BICC1: variants seen among roughly 807,000 people sequenced by gnomAD.
The protein encoded by BICC1 is BicC family RNA binding protein 1.
A neutral mutation model predicts 111.0 loss-of-function variants in BICC1; 43 were observed. The observed-to-expected ratio is 0.39, with a 90% confidence interval of 0.30 to 0.50. The LOEUF is 0.50. Among genes scored for constraint, BICC1 ranks in the 20% least tolerant of loss-of-function variants. The probability of loss-of-function intolerance (pLI) is 0.88; values close to 1 mark genes in which losing one functional copy is unlikely to be tolerated. For synonymous variants in BICC1, 467 were observed against 434.4 expected, an observed-to-expected ratio of 1.07 and a Z score of -0.93; for missense variants, 1,091 against 1,203.2, an observed-to-expected ratio of 0.91 and a Z score of 1.38.
chr10:58,519,380 C>T (rs181930566), intron 1 of BICC1, among the ~76,000 whole-genome samples: 3 of 152,252 alleles, frequency 2.0e-5, no homozygotes, highest in Admixed American at 6.5e-5. Flanking sequence ...TTTTTCCAGC[C>T]TCACTAGTGG....
Position 58,708,762 on chromosome 10 carries a change from T to C in BICC1, c.307+6619T>C, listed in dbSNP as rs568233286. On this transcript the variant is annotated intron_variant, in intron 3 of 20. Coordinates refer to ENST00000373886, the MANE Select transcript of BICC1 (RefSeq NM_001080512.3). The stretch of plus-strand genomic sequence containing the variant: ...CGTGGTTGACAAGGAAAGGGGAAGA[T>C]GGAGCTGCCGTGTTGGACCTACCTA... 2.0e-5 allele frequency among the ~76,000 whole-genome samples: 3 copies of C among 152,318 alleles called. No individual in the cohort carries two copies. The South Asian group carries it at 6.2e-4, about 32-fold the overall frequency.
intron 3 of BICC1, among the ~76,000 whole-genome samples, chr10:58,753,558 T>A (rs1407283549): frequency 6.6e-6 from 1 of 152,058 alleles, no homozygotes; most frequent in Non-Finnish European, 1.5e-5. Flanking sequence ...ACAAGATGAG[T>A]CAGTTTTCCC....
intron 2 of BICC1, among the ~76,000 whole-genome samples, chr10:58,694,826 G>A (rs1840022673): frequency 6.6e-6 from 1 of 152,118 alleles, no homozygotes; most frequent in African/African-American, 2.4e-5. Context: ...CCACTCTGCT[G>A]CTGCTCAGTT....
At chr10:58,733,743 TAGC>T (rs1279167179) in intron 3 of BICC1, among the ~76,000 whole-genome samples, 1 of 152,256 alleles carries the variant, frequency 6.6e-6, no homozygotes, top group East Asian at 1.9e-4. Context: ...CCAGTTGGCC[TAGC>T]ATCATAAATG....
Position 58,807,497 on chromosome 10 carries a change from CT to C in BICC1, c.2376+340del, listed in dbSNP as rs1843745885. The stretch of plus-strand genomic sequence containing the variant: ...ATTTCATAAAAATGTCTAAAGAGTC[CT>C]ATTATCCAAGGGTTTCACTAGCAAG... On this transcript the variant is annotated intron_variant, in intron 17 of 20. Transcript: ENST00000373886. Among the ~76,000 whole-genome samples, 12 of 152,182 alleles carry C rather than the reference CT, an allele frequency of 7.9e-5. No individual in the cohort carries two copies. In the South Asian group the frequency reaches 2.5e-3, roughly 32 times the overall value.
At chr10:58,793,141 G>A (rs146392438) in intron 8 of BICC1, among the ~76,000 whole-genome samples, 2 of 152,286 alleles carry the variant, frequency 1.3e-5, no homozygotes, top group East Asian at 1.9e-4. Context: ...GCAAAGATTA[G>A]TACCCTTGAT....
chr10:58,571,137 C>T (rs1013837168), intron 1 of BICC1, among the ~76,000 whole-genome samples: 10 of 152,042 alleles, frequency 6.6e-5, no homozygotes, highest in Non-Finnish European at 1.3e-4. Context: ...TTTCATAGAC[C>T]GCAAGATTTT....
chr10:58,740,994 A>G (rs1468240825), intron 3 of BICC1, among the ~76,000 whole-genome samples: 1 of 152,204 alleles, frequency 6.6e-6, no homozygotes, highest in African/African-American at 2.4e-5. Context: ...TGTCCCTGGA[A>G]CCGTGAAAGA....
chr10:58,811,102 C>G (rs986026328), intron 17 of BICC1, among the ~76,000 whole-genome samples: 5 of 152,198 alleles, frequency 3.3e-5, no homozygotes, highest in Non-Finnish European at 7.3e-5. Context: ...GAAGCAGGCA[C>G]TTTGAAGCTT....
intron 2 of BICC1, among the ~76,000 whole-genome samples, chr10:58,699,817 C>T (rs1840176284): frequency 6.6e-6 from 1 of 152,034 alleles, no homozygotes; most frequent in African/African-American, 2.4e-5. Context: ...GCTCCAGCCT[C>T]CTGAGATGGG....
intron 3 of BICC1, among the ~76,000 whole-genome samples, chr10:58,735,117 T>C (rs1841428299): frequency 6.6e-6 from 1 of 152,256 alleles, no homozygotes; most frequent in African/African-American, 2.4e-5. Flanking sequence ...CTTTTTATAC[T>C]ACAAAAAGAG....
chr10:58,584,051 A>G (rs369928878), intron 1 of BICC1, among the ~76,000 whole-genome samples: 185 of 94,754 alleles, frequency 2.0e-3, no homozygotes, highest in African/African-American at 6.6e-3. Flanking sequence ...GAATGTAAAC[A>G]TGAAACACAC....
In BICC1 at chr10:58,715,596, G is replaced by A. The variant is rs547028324; in HGVS notation, c.307+13453G>A. ...TCGGGTGGCCTATATGCACCCAATA[G>A]CAATGGCGAGATCAAGGGGTCCAAT... On this transcript the variant is annotated intron_variant, in intron 3 of 20. Transcript: ENST00000373886. 6 of 1,604,626 alleles carry A rather than the reference G, an allele frequency of 3.7e-6. No homozygotes were observed. The African/African-American group carries it at 6.7e-5, about 18-fold the overall frequency.
intron 3 of BICC1, among the ~76,000 whole-genome samples, chr10:58,717,883 C>G (rs1336262760): frequency 6.6e-6 from 1 of 152,126 alleles, no homozygotes; most frequent in East Asian, 1.9e-4. Flanking sequence ...ATTGTTCTTG[C>G]TCCTCTTTGC....
chr10:58,823,686 C>A (rs1232469071), intron 20 of BICC1: 2 of 974,174 alleles, frequency 2.1e-6, no homozygotes, highest in Non-Finnish European at 2.4e-6. Flanking sequence ...CCTTTTTTTT[C>A]TTTGCTGTAA....
intron 2 of BICC1, among the ~76,000 whole-genome samples, chr10:58,640,816 G>T (rs926289576): frequency 3.3e-5 from 5 of 152,182 alleles, no homozygotes; most frequent in African/African-American, 9.7e-5. Context: ...AAACAACTTG[G>T]AAGGGACCTA....
At chr10:58,614,320 C>G (rs74530547) in intron 1 of BICC1, among the ~76,000 whole-genome samples, 2 of 152,104 alleles carry the variant, frequency 1.3e-5, no homozygotes, top group Non-Finnish European at 2.9e-5. Flanking sequence ...GACTCAACAC[C>G]GTTTGCACCT....
chr10:58,608,020 G>A (rs759735096), intron 1 of BICC1, among the ~76,000 whole-genome samples: 2 of 152,018 alleles, frequency 1.3e-5, no homozygotes, highest in Non-Finnish European at 2.9e-5. Flanking sequence ...GTGTAGATAT[G>A]TACTATTTTA....
At chr10:58,593,657 G>C (rs780256096) in intron 1 of BICC1, among the ~76,000 whole-genome samples, 4 of 152,146 alleles carry the variant, frequency 2.6e-5, no homozygotes, top group Non-Finnish European at 4.4e-5. Context: ...GGGTCTGACT[G>C]TCAGAAGGAA....
Sources: allele counts gnomAD v4.1 joint callset (sites outside exome capture counted in the v4.1 genomes callset), GRCh38; gene constraint gnomAD v4.1.1; transcripts MANE v1.5; gene names NCBI Gene and HGNC (gene_info 2026-07-23, HGNC 2026-07-21).